Variants in CHCHD6 observed in about 807,000 individuals in gnomAD.
CHCHD6 encodes MICOS complex subunit MIC25.
CHCHD6 carries 28 observed loss-of-function variants against 32.3 expected under a neutral mutation model. That is an observed-to-expected ratio of 0.87 (90% CI 0.64 to 1.19). CHCHD6 has a LOEUF of 1.19. Among genes scored for constraint, CHCHD6 ranks in the 50% most tolerant of loss-of-function variants. The probability of loss-of-function intolerance (pLI) is 0.00; values close to 1 mark genes in which losing one functional copy is unlikely to be tolerated. For missense variants in CHCHD6, 333 were observed against 307.0 expected (o/e 1.08, Z -0.63); for synonymous variants, 122 against 117.5 (o/e 1.04, Z -0.25).
chr3:126,742,106 G>A (rs948626353), intron 4 of CHCHD6, among the ~76,000 whole-genome samples: 19 of 152,216 alleles, frequency 1.2e-4, no homozygotes, highest in Non-Finnish European at 2.6e-4. Flanking sequence ...CAGCGTTTTA[G>A]GGGATAGTAG....
chr3:126,947,507 C>T (rs2078655863), intron 6 of CHCHD6, among the ~76,000 whole-genome samples: 1 of 152,192 alleles, frequency 6.6e-6, no homozygotes, highest in South Asian at 2.1e-4. Flanking sequence ...AGAGCAAGAG[C>T]TATGGAGCTG....
At chr3:126,812,054 G>A (rs1014589886) in intron 4 of CHCHD6, among the ~76,000 whole-genome samples, 3 of 151,676 alleles carry the variant, frequency 2.0e-5, no homozygotes, top group African/African-American at 7.3e-5. Flanking sequence ...AAAAACTCAG[G>A]CCCTCTCATA....
chr3:126,846,124 A>G (rs115850379), intron 4 of CHCHD6, among the ~76,000 whole-genome samples: 2,742 of 152,230 alleles, frequency 0.018, 29 homozygotes, highest in Middle Eastern at 0.051. Flanking sequence ...GGGCAGAAAA[A>G]GGTTGGACCT....
chr3:126,797,852 T>C (rs1419741201), intron 4 of CHCHD6, among the ~76,000 whole-genome samples: 2 of 151,842 alleles, frequency 1.3e-5, no homozygotes, highest in African/African-American at 2.4e-5. Flanking sequence ...CTCTCCCCCA[T>C]GGTGTGGTGT....
intron 4 of CHCHD6, among the ~76,000 whole-genome samples, chr3:126,804,899 C>T (rs1357910014): frequency 5.3e-5 from 8 of 151,626 alleles, no homozygotes; most frequent in South Asian, 2.1e-4. Context: ...GTTCAATATA[C>T]GCAAATCAAT....
In CHCHD6 at chr3:126,871,924, C is replaced by G. The variant is rs550296785; in HGVS notation, c.495+19194C>G. 3.7e-4 allele frequency among the ~76,000 whole-genome samples: 56 copies of G among 152,254 alleles called. 1 individual carries two copies. The South Asian group carries it at 0.011, about 31-fold the overall frequency. ...TCATAATCCGCCTTCCTCGGCCTCC[C>G]AAAGTGCTGGGATCACAGGCATGAA... On this transcript the variant is annotated intron_variant, in intron 5 of 7. Coordinates refer to ENST00000290913, the MANE Select transcript of CHCHD6 (RefSeq NM_032343.3).
At chr3:126,776,119 G>A (rs1370188152) in intron 4 of CHCHD6, among the ~76,000 whole-genome samples, 4 of 152,172 alleles carry the variant, frequency 2.6e-5, no homozygotes, top group Admixed American at 1.3e-4. Flanking sequence ...ACATGAATTG[G>A]CTGTGCTTCT....
chr3:126,803,330 C>T (rs1260226037), intron 4 of CHCHD6, among the ~76,000 whole-genome samples: 1 of 152,112 alleles, frequency 6.6e-6, no homozygotes, highest in Non-Finnish European at 1.5e-5. Context: ...ATCTCACATG[C>T]AGAGACACAC....
chr3:126,736,153 G>GA (rs1475115529), intron 4 of CHCHD6, among the ~76,000 whole-genome samples: 1 of 152,212 alleles, frequency 6.6e-6, no homozygotes. Context: ...ATTTAAATAA[G>GA]AGGAGAAAGA....
At chr3:126,757,812 G>A (rs565845861) in intron 4 of CHCHD6, among the ~76,000 whole-genome samples, 12 of 152,232 alleles carry the variant, frequency 7.9e-5, no homozygotes, top group East Asian at 1.9e-4. Flanking sequence ...CCCAGCTGCC[G>A]ACAGGGGTAT....
At chr3:126,718,284 A>C (rs938621619) in intron 1 of CHCHD6, among the ~76,000 whole-genome samples, 1 of 152,202 alleles carries the variant, frequency 6.6e-6, no homozygotes, top group African/African-American at 2.4e-5. Context: ...CCTGGTATGG[A>C]TTATAATTAA....
chr3:126,814,641 A>G (rs770108323), intron 4 of CHCHD6, among the ~76,000 whole-genome samples: 1 of 152,238 alleles, frequency 6.6e-6, no homozygotes, highest in Non-Finnish European at 1.5e-5. Flanking sequence ...GGAGAGTGGT[A>G]CGCCCAGGGA....
chr3:126,938,743 T>C (rs1322634928), intron 6 of CHCHD6, among the ~76,000 whole-genome samples: 1 of 151,696 alleles, frequency 6.6e-6, no homozygotes, highest in Non-Finnish European at 1.5e-5. Context: ...AAGGTGGCCC[T>C]GTAGGCTCCC....
In CHCHD6 at chr3:126,704,420, C is replaced by T. The variant is rs1206937033; in HGVS notation, c.87+21C>T. On this transcript the variant is annotated intron_variant, in intron 1 of 7. Transcript: ENST00000290913. ...TCCGGGTGAGCGGCGCCGCCTGGGCCGGGGCGGGCGTGGAGGCCGCGGGCG... is the reference window on the plus strand; with the variant it reads ...TCCGGGTGAGCGGCGCCGCCTGGGCTGGGGCGGGCGTGGAGGCCGCGGGCG... 8 of 1,481,322 alleles carry T rather than the reference C, an allele frequency of 5.4e-6. No homozygotes were observed. In the East Asian group the frequency reaches 1.4e-4, roughly 27 times the overall value. 91.8% of individuals were successfully genotyped at this position (1,481,322 alleles called of 1,614,324 possible). A position where few individuals can be genotyped will look rare whatever the true frequency, so the allele number is the denominator to read the frequency against.
chr3:126,813,113 A>G (rs971430516), intron 4 of CHCHD6, among the ~76,000 whole-genome samples: 3 of 152,234 alleles, frequency 2.0e-5, no homozygotes, highest in Non-Finnish European at 4.4e-5. Context: ...TATAGCAAGT[A>G]GAGTAGGTCA....
intron 6 of CHCHD6, 43 bp downstream of exon 6, chr3:126,914,793 T>A: frequency 1.7e-6 from 2 of 1,188,228 alleles, no homozygotes; most frequent in Non-Finnish European, 2.5e-6. Context: ...GGCCCACAAT[T>A]GTAAAAATTC....
intron 4 of CHCHD6, among the ~76,000 whole-genome samples, chr3:126,779,646 A>G (rs1160852270): frequency 1.3e-5 from 2 of 152,058 alleles, no homozygotes; most frequent in African/African-American, 4.8e-5. Context: ...GTCTAAATCC[A>G]TTATTCACAA....
At chr3:126,735,011 C>T (rs1325513988) in intron 4 of CHCHD6, among the ~76,000 whole-genome samples, 3 of 152,100 alleles carry the variant, frequency 2.0e-5, no homozygotes, top group Admixed American at 6.5e-5. Context: ...AGTGAGAAAC[C>T]GGGGCCAGGG....
chr3:126,754,621 G>A (rs1485694362), intron 4 of CHCHD6, among the ~76,000 whole-genome samples: 1 of 152,138 alleles, frequency 6.6e-6, no homozygotes, highest in African/African-American at 2.4e-5. Context: ...CTAACAGCTC[G>A]GCTTCCGAAG....
Sources: allele counts gnomAD v4.1 joint callset (sites outside exome capture counted in the v4.1 genomes callset), GRCh38; gene constraint gnomAD v4.1.1; transcripts MANE v1.5; gene names NCBI Gene and HGNC (gene_info 2026-07-23, HGNC 2026-07-21).